Variants in CSMD1 observed in about 807,000 individuals in gnomAD.
The protein encoded by CSMD1 is CUB and Sushi multiple domains 1, also known as CUB and sushi domain-containing protein 1.
Under a neutral mutation model 417.5 loss-of-function variants are expected in CSMD1, and 213 were observed. The observed-to-expected ratio is 0.51, with a 90% CI of 0.46 to 0.57. CSMD1 has a LOEUF of 0.57. Ranked by LOEUF, CSMD1 falls within the 20% of genes least tolerant of loss-of-function variation. CSMD1 has a pLI of 0.00. For synonymous variants in CSMD1, 2,862 were observed against 1,736.8 expected, an observed-to-expected ratio of 1.65 and a Z score of -16.11; for missense variants, 6,923 against 4,529.7, an observed-to-expected ratio of 1.53 and a Z score of -15.17.
At chr8:4,289,761 C>T (rs572436123) in intron 3 of CSMD1, among the ~76,000 whole-genome samples, 3 of 152,230 alleles carry the variant, frequency 2.0e-5, no homozygotes, top group South Asian at 4.1e-4. Flanking sequence ...ACATCTCCAC[C>T]GTACTGGAAG....
Position 3,029,486 on chromosome 8 carries a change from T to C in CSMD1, c.7688A>G (p.Gln2563Arg), listed in dbSNP as rs761079358. The change falls in exon 51 of 70, where the codon CAG becomes CGG. Residue 2563 changes from glutamine (Q) to arginine (R), a missense_variant. By Grantham distance (43) the Gln-to-Arg change is conservative. Transcript: ENST00000635120. ...KPVACPSIEA[Q>R]LSEHVIWRLV... ...CCTCCAGATGACATGTTCTGAGAGC[T>C]GAGCTTCAATGCTGGGGCAAGCGAC... 1 of 1,602,438 alleles carries C rather than the reference T, an allele frequency of 6.2e-7. No homozygotes were observed. The highest frequency in any genetic ancestry group is 8.5e-7 in the Non-Finnish European group (1 of 1,174,444).
intron 2 of CSMD1, among the ~76,000 whole-genome samples, chr8:4,462,777 C>A (rs1193492408): frequency 6.7e-6 from 1 of 150,060 alleles, no homozygotes; most frequent in Admixed American, 6.6e-5. Context: ...AACTGAGTAT[C>A]CACAAGAGGG....
intron 1 of CSMD1, among the ~76,000 whole-genome samples, chr8:4,797,353 G>T (rs915984777): frequency 3.9e-5 from 6 of 152,194 alleles, no homozygotes; most frequent in African/African-American, 1.4e-4. Context: ...GCAGGAGAAA[G>T]GGAGCATCTG....
chr8:3,772,830 C>T (rs185159456), intron 5 of CSMD1, among the ~76,000 whole-genome samples: 6 of 152,028 alleles, frequency 3.9e-5, no homozygotes, highest in East Asian at 1.9e-4. Context: ...CATCTTACAG[C>T]ACCTCCCAAC....
At chr8:4,453,113 G>A (rs75456536) in intron 2 of CSMD1, among the ~76,000 whole-genome samples, 1 of 151,900 alleles carries the variant, frequency 6.6e-6, no homozygotes, top group Non-Finnish European at 1.5e-5. Flanking sequence ...CAATGATTCG[G>A]AATTCCTTGG....
At position 4,048,629 on chromosome 8, in the gene CSMD1, A is replaced by T. The variant is rs141603073; in HGVS notation, c.416-16530T>A. ...CACACACCAAACAGGTAATTCTTAAATAATTTTTGGGTGTCAATCTGACTT... is the reference window on the plus strand; with the variant it reads ...CACACACCAAACAGGTAATTCTTAATTAATTTTTGGGTGTCAATCTGACTT... On this transcript the variant is annotated intron_variant, in intron 3 of 69. Transcript: ENST00000635120. 9.4e-3 allele frequency among the ~76,000 whole-genome samples: 1,430 copies of T among 152,304 alleles called. 28 individuals carry two copies. Among genetic ancestry groups the T allele is most frequent in the African/African-American group, 0.034 (1,396 of 41,568 alleles).
intron 3 of CSMD1, among the ~76,000 whole-genome samples, chr8:4,159,812 C>G (rs1234538913): frequency 1.3e-5 from 2 of 152,146 alleles, no homozygotes; most frequent in East Asian, 1.9e-4. Context: ...ATAGGGAGAC[C>G]ATTATTCTAA....
intron 3 of CSMD1, among the ~76,000 whole-genome samples, chr8:4,409,498 T>C (rs1796527358): frequency 6.6e-6 from 1 of 152,168 alleles, no homozygotes. Context: ...TTGAGAACAA[T>C]AAAAATGTAA....
At chr8:3,506,690 G>A (rs181879860) in intron 10 of CSMD1, among the ~76,000 whole-genome samples, 1 of 152,080 alleles carries the variant, frequency 6.6e-6, no homozygotes, top group East Asian at 1.9e-4. Context: ...TCCGAATTTG[G>A]GGTGTCATGA....
chr8:4,501,719 G>C (rs1345340329), intron 2 of CSMD1, among the ~76,000 whole-genome samples: 1 of 152,190 alleles, frequency 6.6e-6, no homozygotes, highest in Non-Finnish European at 1.5e-5. Flanking sequence ...TAGTCACTTA[G>C]TAGCCATATG....
intron 1 of CSMD1, among the ~76,000 whole-genome samples, chr8:4,930,643 C>G (rs1370833753): frequency 6.6e-6 from 1 of 152,150 alleles, no homozygotes; most frequent in Non-Finnish European, 1.5e-5. Flanking sequence ...TGGTTCCTAC[C>G]AAACCCAGAA....
At chr8:3,173,275 T>C (rs1335155148) in intron 37 of CSMD1, among the ~76,000 whole-genome samples, 1 of 152,174 alleles carries the variant, frequency 6.6e-6, no homozygotes, top group African/African-American at 2.4e-5. Context: ...CCTAAAGTAA[T>C]ATTGTAGAAG....
rs367778917 is a variant in CSMD1, at chr8:3,980,986, T to G, written c.818+16917A>C. 5.3e-5 allele frequency among the ~76,000 whole-genome samples: 8 copies of G among 152,180 alleles called. No individual in the cohort carries two copies. The East Asian group carries it at 1.5e-3, about 29-fold the overall frequency. On this transcript the variant is annotated intron_variant, in intron 5 of 69. Coordinates refer to ENST00000635120, the MANE Select transcript of CSMD1 (RefSeq NM_033225.6). ...GGGCCCTGCTCACCTTTCCCCACCT[T>G]TGTACCCACACCCAGAGGTTCTTCA...
intron 23 of CSMD1, among the ~76,000 whole-genome samples, chr8:3,330,349 T>C (rs1366734733): frequency 6.6e-6 from 1 of 152,118 alleles, no homozygotes; most frequent in African/African-American, 2.4e-5. Context: ...TCAATCTAAG[T>C]GCCCATCAGC....
At chr8:4,491,482 T>C (rs935528166) in intron 2 of CSMD1, among the ~76,000 whole-genome samples, 1 of 152,186 alleles carries the variant, frequency 6.6e-6, no homozygotes, top group Non-Finnish European at 1.5e-5. Flanking sequence ...TGGACTTTTG[T>C]TGGTGTATCA....
intron 54 of CSMD1, among the ~76,000 whole-genome samples, chr8:2,997,706 A>T (rs1807030258): frequency 6.6e-6 from 1 of 152,254 alleles, no homozygotes; most frequent in Non-Finnish European, 1.5e-5. Context: ...AATGGCCCCC[A>T]AATGCTAACT....
chr8:4,753,771 C>T (rs977670866), intron 1 of CSMD1, among the ~76,000 whole-genome samples: 2 of 152,158 alleles, frequency 1.3e-5, no homozygotes, highest in Admixed American at 6.5e-5. Flanking sequence ...GGGAACATTC[C>T]CTTTCCTCCC....
At chr8:3,727,772 T>C (rs140180307) in intron 6 of CSMD1, among the ~76,000 whole-genome samples, 312 of 152,286 alleles carry the variant, frequency 2.0e-3, no homozygotes, top group African/African-American at 7.2e-3. Context: ...TAATCGGTTA[T>C]AATTTAGTCT....
chr8:3,693,297 G>C (rs563431514), intron 7 of CSMD1, among the ~76,000 whole-genome samples: 7 of 152,206 alleles, frequency 4.6e-5, no homozygotes, highest in South Asian at 2.1e-4. Context: ...TTATATTCTA[G>C]GAGAAAATGA....
Sources: gnomAD v4.1 joint callset for allele counts (sites outside exome capture counted in the v4.1 genomes callset) on GRCh38, gnomAD v4.1.1 for gene constraint, MANE v1.5 for transcripts, NCBI Gene and HGNC (gene_info 2026-07-23, HGNC 2026-07-21) for gene names.